The following CDC73 variants were observed in gnomAD, a reference collection of about 807,000 sequenced individuals.
CDC73 encodes the protein parafibromin.
CDC73 carries 21 observed loss-of-function variants against 83.7 expected under a neutral mutation model. The observed-to-expected ratio is 0.25, with a 90% CI of 0.18 to 0.36. The LOEUF (loss-of-function observed/expected upper bound fraction) is 0.36, where lower values mean the gene tolerates loss of function less well. CDC73 is among the 10% of genes least tolerant of loss of function. The pLI is 1.00. For missense variants in CDC73, 342 were observed against 653.3 expected (o/e 0.52, Z 5.19); for synonymous variants, 224 against 212.9 (o/e 1.05, Z -0.45).
intron 5 of CDC73, among the ~76,000 whole-genome samples, chr1:193,137,339 A>G (rs907592188): frequency 6.6e-6 from 1 of 152,254 alleles, no homozygotes; most frequent in African/African-American, 2.4e-5. Context: ...TTGGATCTCT[A>G]GAGTATGCTG....
At chr1:193,212,340 A>C in intron 12 of CDC73, 50 bp from the exon 13 acceptor site, 1 of 1,105,072 alleles carries the variant, frequency 9.0e-7, no homozygotes, top group East Asian at 2.4e-5. Context: ...AGAGAAAGTA[A>C]GTATAATTTC....
intron 13 of CDC73, among the ~76,000 whole-genome samples, chr1:193,222,461 T>G (rs1262637055): frequency 6.6e-6 from 1 of 152,228 alleles, no homozygotes; most frequent in African/African-American, 2.4e-5. Flanking sequence ...ATCTAGCCAC[T>G]TTGGAAAATA....
chr1:193,230,366 C>A (rs12064521), intron 13 of CDC73, among the ~76,000 whole-genome samples: 1 of 151,138 alleles, frequency 6.6e-6, no homozygotes. Context: ...CCAGACGTCT[C>A]GAACCCCTGA....
chr1:193,215,291 A>G (rs951423228), intron 13 of CDC73, among the ~76,000 whole-genome samples: 3 of 152,232 alleles, frequency 2.0e-5, no homozygotes, highest in South Asian at 4.1e-4. Flanking sequence ...ATTGTTTTCT[A>G]CAACTTGAGA....
Position 193,122,292 on chromosome 1 carries a change from C to A in CDC73, c.92C>A (p.Ser31Tyr), listed in dbSNP as rs1558276199. The change falls in exon 1 of 17, where the codon TCC (serine) becomes TAC (tyrosine). Residue 31 changes from serine to tyrosine, a missense_variant. Physicochemically the swap from Ser to Tyr is moderately radical, Grantham distance 144. Coordinates refer to ENST00000367435, the MANE Select transcript of CDC73 (RefSeq NM_024529.5). ...KGDEVIFGEF[S>Y]WPKNVKTNYV... ...GACGAAGTGATCTTCGGGGAGTTCT[C>A]CTGGCCCAAGAATGTGAAGACCAAC... 2.5e-6 allele frequency: 4 copies of A among 1,614,160 alleles called. No individual in the cohort carries two copies. Among genetic ancestry groups the A allele is most frequent in the Non-Finnish European group, 3.4e-6 (4 of 1,180,000 alleles).
chr1:193,217,578 C>T (rs867490481), intron 13 of CDC73, among the ~76,000 whole-genome samples: 3 of 151,746 alleles, frequency 2.0e-5, no homozygotes, highest in Admixed American at 6.6e-5. Flanking sequence ...TGTCTTCTTC[C>T]GCCAATGTGT....
intron 10 of CDC73, among the ~76,000 whole-genome samples, chr1:193,177,195 A>G (rs540178199): frequency 2.1e-4 from 32 of 151,722 alleles, no homozygotes; most frequent in African/African-American, 7.5e-4. Context: ...CAGCTGTCAT[A>G]TGTGAAATAA....
chr1:193,244,206 T>A (rs2102068829), intron 15 of CDC73, among the ~76,000 whole-genome samples: 1 of 152,354 alleles, frequency 6.6e-6, no homozygotes, highest in East Asian at 1.9e-4. Context: ...AAATCATTAT[T>A]TTATAACCTA....
intron 13 of CDC73, among the ~76,000 whole-genome samples, chr1:193,226,119 G>C (rs1410341477): frequency 1.3e-5 from 2 of 152,110 alleles, no homozygotes; most frequent in African/African-American, 4.8e-5. Context: ...AGATGATCCA[G>C]TTTCATTCTC....
chr1:193,130,066 G>A (rs1369396336), intron 2 of CDC73, 108 bp from the exon 3 acceptor site: 7 of 671,236 alleles, frequency 1.0e-5, no homozygotes, highest in African/African-American at 1.8e-5. Flanking sequence ...TTTAAAATAC[G>A]TTTTTTCAAG....
chr1:193,205,350 C>T (rs1677171619), intron 11 of CDC73, among the ~76,000 whole-genome samples: 1 of 151,918 alleles, frequency 6.6e-6, no homozygotes, highest in Non-Finnish European at 1.5e-5. Flanking sequence ...TATCCTCATT[C>T]ATAGTATGTA....
intron 10 of CDC73, among the ~76,000 whole-genome samples, chr1:193,202,753 T>C (rs1677114492): frequency 6.6e-6 from 1 of 151,980 alleles, no homozygotes; most frequent in Admixed American, 6.6e-5. Flanking sequence ...GAAAGTCTTT[T>C]TTCTCCTGTA....
chr1:193,149,853 A>G (rs1676074974), intron 8 of CDC73, among the ~76,000 whole-genome samples: 1 of 152,208 alleles, frequency 6.6e-6, no homozygotes, highest in South Asian at 2.1e-4. Flanking sequence ...TTTAAAAAAA[A>G]TACGTCTTCA....
chr1:193,242,646 G>T (rs182303336), intron 15 of CDC73, among the ~76,000 whole-genome samples: 36 of 152,264 alleles, frequency 2.4e-4, no homozygotes, highest in Non-Finnish European at 4.3e-4. Flanking sequence ...CCCCTCTCAA[G>T]ATATTTTTAA....
intron 10 of CDC73, among the ~76,000 whole-genome samples, chr1:193,199,241 C>A (rs1677050211): frequency 6.6e-6 from 1 of 151,990 alleles, no homozygotes; most frequent in African/African-American, 2.4e-5. Flanking sequence ...TTGCTGTTTC[C>A]TTTTTCTACA....
At chr1:193,239,459 G>A (rs913141682) in intron 15 of CDC73, among the ~76,000 whole-genome samples, 10 of 151,978 alleles carry the variant, frequency 6.6e-5, no homozygotes, top group African/African-American at 1.9e-4. Flanking sequence ...GAAATACATC[G>A]TTTGAGAGAA....
At chr1:193,235,644 G>GA (rs1279124450) in intron 14 of CDC73, among the ~76,000 whole-genome samples, 4 of 151,938 alleles carry the variant, frequency 2.6e-5, no homozygotes, top group Admixed American at 1.3e-4. Flanking sequence ...GTTTGGTTGG[G>GA]AAAAAAATGC....
intron 10 of CDC73, among the ~76,000 whole-genome samples, chr1:193,193,780 A>AGTGTGTGTGTGTGTGTGTGT (rs71111459): frequency 1.5e-5 from 2 of 135,918 alleles, no homozygotes; most frequent in East Asian, 4.5e-4. Context: ...TCTTACTTGT[A>AGTGTGTGTGTGTGTGTGTGT]GTGTGTGTGT....
chr1:193,216,015 A>G (rs1677360869), intron 13 of CDC73, among the ~76,000 whole-genome samples: 1 of 152,182 alleles, frequency 6.6e-6, no homozygotes, highest in African/African-American at 2.4e-5. Context: ...GTTAGATCTC[A>G]AATTAACCAC....
Sources: gnomAD v4.1 joint callset for allele counts (sites outside exome capture counted in the v4.1 genomes callset) on GRCh38, gnomAD v4.1.1 for gene constraint, MANE v1.5 for transcripts, NCBI Gene and HGNC (gene_info 2026-07-23, HGNC 2026-07-21) for gene names.